The following ZFP82 variants were observed in gnomAD, a reference collection of about 807,000 sequenced individuals.
ZFP82 encodes zinc finger protein 82 homolog.
In ZFP82, 30 loss-of-function variants were observed where a neutral mutation model predicts 54.0. That is an observed-to-expected ratio of 0.56 (90% CI 0.42 to 0.75). The LOEUF is 0.75. Ranked by LOEUF, ZFP82 falls within the 30% of genes least tolerant of loss-of-function variation. The probability of loss-of-function intolerance (pLI) is 0.00; values close to 1 mark genes in which losing one functional copy is unlikely to be tolerated. For synonymous variants in ZFP82, 194 were observed against 209.5 expected, an observed-to-expected ratio of 0.93 and a Z score of 0.64; for missense variants, 500 against 636.8, an observed-to-expected ratio of 0.79 and a Z score of 2.31.
intron 4 of ZFP82, among the ~76,000 whole-genome samples, chr19:36,402,467 T>TAAAAAAAAAAAA (rs1316234646): frequency 1.7e-4 from 2 of 11,926 alleles, no homozygotes; most frequent in South Asian, 1.8e-3. Context: ...AGACTCCATC[T>TAAAAAAAAAAAA]CAAAAAAAAA....
intron 4 of ZFP82, among the ~76,000 whole-genome samples, chr19:36,404,361 G>A (rs766340969): frequency 6.6e-6 from 1 of 152,076 alleles, no homozygotes; most frequent in Non-Finnish European, 1.5e-5. Flanking sequence ...AAAATAAAAG[G>A]CTGAAAGACC....
In ZFP82 at chr19:36,415,617, C is replaced by A. The variant is rs1448420429; in HGVS notation, c.-79+2875G>T. 3.9e-5 allele frequency among the ~76,000 whole-genome samples: 6 copies of A among 152,114 alleles called. No homozygotes were observed. The East Asian group carries it at 1.2e-3, about 29-fold the overall frequency. On this transcript the variant is annotated intron_variant, in intron 1 of 4. Coordinates refer to ENST00000392161, the MANE Select transcript of ZFP82 (RefSeq NM_133466.4). The stretch of plus-strand genomic sequence containing the variant: ...GGCCAGGTTGGTCTCAAACTTCTGA[C>A]CTCAGGTGATCTGCCCACCTCAGCC...
intron 3 of ZFP82, among the ~76,000 whole-genome samples, chr19:36,407,403 A>G (rs1283584500): frequency 3.3e-5 from 5 of 152,198 alleles, no homozygotes; most frequent in African/African-American, 1.2e-4. Flanking sequence ...TCATAAAGGT[A>G]GGTAAAACTG....
chr19:36,400,412 A>C (rs2032363995), intron 4 of ZFP82, among the ~76,000 whole-genome samples: 1 of 152,246 alleles, frequency 6.6e-6, no homozygotes, highest in African/African-American at 2.4e-5. Context: ...ATCTGAAAAT[A>C]GTAAAACCCG....
chr19:36,393,453 T>C lies in ZFP82; in HGVS notation c.887A>G (p.His296Arg). The C allele has an allele frequency of 6.2e-7, 1 of 1,613,970 alleles. No individual in the cohort carries two copies. ...ATTAAGCTTCTGATGCCGAGTCAGG[T>C]GTGCGTACTGTCTAAAGGCTTTTCC... is the stretch of plus-strand genomic sequence containing the variant. ...ECGKAFRQYAHLTRHQKLNSA... is the reference protein window; with the variant it reads ...ECGKAFRQYARLTRHQKLNSA... Residue 296 changes from histidine (H) to arginine (R), a missense_variant, in exon 5 of 5, where the codon CAC (histidine) becomes CGC (arginine). Coordinates refer to ENST00000392161, the MANE Select transcript of ZFP82 (RefSeq NM_133466.4).
intron 4 of ZFP82, among the ~76,000 whole-genome samples, chr19:36,400,766 G>T (rs1255921809): frequency 6.6e-6 from 1 of 152,046 alleles, no homozygotes; most frequent in Admixed American, 6.5e-5. Context: ...AAAATACACT[G>T]CTTTTTAACC....
chr19:36,394,209 C>T, intron 4 of ZFP82, 99 bp from the exon 5 acceptor site: 1 of 1,101,132 alleles, frequency 9.1e-7, no homozygotes, highest in Non-Finnish European at 1.3e-6. Flanking sequence ...TAATCCTTAA[C>T]CAAAACTCTA....
chr19:36,414,113 C>G (rs1304871774), intron 1 of ZFP82, among the ~76,000 whole-genome samples: 16 of 151,904 alleles, frequency 1.1e-4, no homozygotes, highest in East Asian at 7.8e-4. Flanking sequence ...TGTTAGCCAA[C>G]ATAGTCTCGA....
chr19:36,401,228 A>G (rs901523604), intron 4 of ZFP82, among the ~76,000 whole-genome samples: 1 of 152,170 alleles, frequency 6.6e-6, no homozygotes, highest in African/African-American at 2.4e-5. Flanking sequence ...GTAAATTCCA[A>G]TCATACAGAC....
At chr19:36,412,015 A>G (rs1200811131) in intron 1 of ZFP82, among the ~76,000 whole-genome samples, 1 of 152,120 alleles carries the variant, frequency 6.6e-6, no homozygotes, top group African/African-American at 2.4e-5. Context: ...GGAGTGCAGT[A>G]ACAAACAGTT....
chr19:36,409,698 CTGA>C (rs2032544029), intron 2 of ZFP82, 80 bp downstream of exon 2: 2 of 1,475,926 alleles, frequency 1.4e-6, no homozygotes, highest in Non-Finnish European at 1.9e-6. Context: ...GGATGGAGCT[CTGA>C]TAGTAAGGAA....
intron 4 of ZFP82, among the ~76,000 whole-genome samples, chr19:36,399,025 C>T (rs2032342433): frequency 6.6e-6 from 1 of 151,834 alleles, no homozygotes; most frequent in Non-Finnish European, 1.5e-5. Flanking sequence ...ATATGCCTGT[C>T]TAATTGGAAA....
At chr19:36,405,697 G>A (rs753502004) in intron 3 of ZFP82, 25 bp from the exon 4 acceptor site, 11 of 1,508,762 alleles carry the variant, frequency 7.3e-6, no homozygotes, top group South Asian at 2.5e-5. Context: ...AGGAATATAA[G>A]GTACATGAAA....
downstream of ZFP82, among the ~76,000 whole-genome samples, chr19:36,386,764 C>T (rs2032120260): frequency 1.3e-5 from 2 of 152,146 alleles, no homozygotes; most frequent in South Asian, 2.1e-4. Context: ...TGGTGAAACC[C>T]CATCTCTACT....
chr19:36,417,599 C>T (rs767080710), intron 1 of ZFP82, among the ~76,000 whole-genome samples: 4 of 152,178 alleles, frequency 2.6e-5, no homozygotes, highest in Non-Finnish European at 4.4e-5. Context: ...GGGAACCAGG[C>T]TTTTCTTGCA....
chr19:36,384,998 A>G (rs2032099995), downstream of ZFP82, among the ~76,000 whole-genome samples: 1 of 152,106 alleles, frequency 6.6e-6, no homozygotes, highest in Non-Finnish European at 1.5e-5. Context: ...ACTTACTTTT[A>G]TTTTGTGGAA....
Position 36,409,782 on chromosome 19 carries a change from AG to A in ZFP82, c.7del (p.Leu3PhefsTer4). MA[L>X]RSVMFSDVSI... Reference sequence around the variant, plus strand: ...TCCTAGGAGGAGAAAAAAACTTACAAGGGCCATGGTATAGAAATTCAAGAAC... The same window carrying A: ...TCCTAGGAGGAGAAAAAAACTTACAAGGCCATGGTATAGAAATTCAAGAAC... On this transcript the variant is annotated frameshift_variant and splice_region_variant, in exon 2 of 5. Transcript: ENST00000392161. LOFTEE classifies it high-confidence loss of function. The A allele has an allele frequency of 1.2e-6, 2 of 1,613,822 alleles. No individual in the cohort carries two copies. The highest frequency in any genetic ancestry group is 1.7e-6 in the Non-Finnish European group (2 of 1,179,854).
Position 36,393,872 on chromosome 19 carries a change from A to T in ZFP82, c.468T>A (p.Ser156=). The T allele has an allele frequency of 6.2e-7, 1 of 1,614,192 alleles. No individual in the cohort carries two copies. The highest frequency in any genetic ancestry group is 8.5e-7 in the Non-Finnish European group (1 of 1,180,034). Residue 156 remains serine, a synonymous_variant, in exon 5 of 5, where the codon TCT becomes TCA. Transcript: ENST00000392161. ...AATGAAGTCTCTGATGTGGAGTAACAGATGTGCGTTTCTGGTAAGAGGACA... is the reference window on the plus strand; with the variant it reads ...AATGAAGTCTCTGATGTGGAGTAACTGATGTGCGTTTCTGGTAAGAGGACA... The part of the protein sequence containing the change: ...EKVSSYQKRT[S]VTPHQRLHFV...
At chr19:36,410,558 G>A (rs1038037673) in intron 1 of ZFP82, among the ~76,000 whole-genome samples, 3 of 151,640 alleles carry the variant, frequency 2.0e-5, no homozygotes, top group East Asian at 1.9e-4. Context: ...GTTGGAGTGC[G>A]GTGGCACGAT....
Sources: allele counts gnomAD v4.1 joint callset (sites outside exome capture counted in the v4.1 genomes callset), GRCh38; gene constraint gnomAD v4.1.1; transcripts MANE v1.5; gene names NCBI Gene and HGNC (gene_info 2026-07-23, HGNC 2026-07-21).